The following FAM107B variants were observed in gnomAD, a reference collection of about 807,000 sequenced individuals.
FAM107B encodes protein FAM107B.
Under a neutral mutation model 31.5 loss-of-function variants are expected in FAM107B, and 21 were observed. That is an observed-to-expected ratio of 0.67 (90% CI 0.47 to 0.96). The LOEUF (loss-of-function observed/expected upper bound fraction) is 0.96. Among genes scored for constraint, FAM107B ranks in the 40% least tolerant of loss-of-function variants. FAM107B has a pLI of 0.00. For synonymous variants in FAM107B, 157 were observed against 141.5 expected, an observed-to-expected ratio of 1.11 and a Z score of -0.78; for missense variants, 452 against 377.1, an observed-to-expected ratio of 1.20 and a Z score of -1.64.
intron 1 of FAM107B, among the ~76,000 whole-genome samples, chr10:14,681,948 A>G (rs1178068134): frequency 6.6e-6 from 1 of 152,194 alleles, no homozygotes; most frequent in African/African-American, 2.4e-5. Flanking sequence ...GGGCACCTAT[A>G]CACCAGTCAA....
intron 1 of FAM107B, among the ~76,000 whole-genome samples, chr10:14,739,304 CA>C (rs1422628469): frequency 6.6e-6 from 1 of 152,184 alleles, no homozygotes; most frequent in East Asian, 1.9e-4. Context: ...AGGCCCCAGC[CA>C]ACTGCTGGAT....
chr10:14,583,693 C>A (rs976390141), intron 2 of FAM107B, among the ~76,000 whole-genome samples: 1 of 151,554 alleles, frequency 6.6e-6, no homozygotes, highest in African/African-American at 2.4e-5. Context: ...TCCTTGCCAA[C>A]ACCTGCTGCT....
At chr10:14,714,211 T>C (rs961233046) in intron 1 of FAM107B, among the ~76,000 whole-genome samples, 1 of 152,102 alleles carries the variant, frequency 6.6e-6, no homozygotes, top group African/African-American at 2.4e-5. Context: ...CAACAAAATC[T>C]AGGAGAAGGT....
intron 2 of FAM107B, among the ~76,000 whole-genome samples, chr10:14,649,596 C>T (rs1853848175): frequency 1.3e-5 from 2 of 152,208 alleles, no homozygotes; most frequent in Admixed American, 1.3e-4. Context: ...CAAGCACTTG[C>T]CAATCAGAAA....
rs1409820367 is a variant in FAM107B, at chr10:14,774,381, G to A, written c.283C>T (p.His95Tyr). The change falls in exon 1 of 5, where the codon CAC becomes TAC. Residue 95 changes from histidine to tyrosine, a missense_variant. Transcript: ENST00000181796. ...RNGSANRNSS[H>Y]RTAAQPAETP... ...TCCGCGGGCTGGGCCGCAGTGCGGT[G>A]ACTTGAATTCCGATTCGCACTGCCA... 2 of 1,614,118 alleles carry A rather than the reference G, an allele frequency of 1.2e-6. No individual in the cohort carries two copies. Among genetic ancestry groups the A allele is most frequent in the East Asian group, 4.5e-5 (2 of 44,904 alleles).
intron 3 of FAM107B, chr10:14,530,072 A>G (rs1255526868): frequency 2.8e-6 from 1 of 362,122 alleles, no homozygotes; most frequent in East Asian, 5.0e-5. Flanking sequence ...CCGAATTTGG[A>G]AATACACATC....
chr10:14,526,837 TTAA>T (rs1328971803), intron 3 of FAM107B, among the ~76,000 whole-genome samples: 1 of 151,872 alleles, frequency 6.6e-6, no homozygotes, highest in Non-Finnish European at 1.5e-5. Context: ...ATCAGAAATA[TTAA>T]TTTTTTTTTT....
intron 1 of FAM107B, among the ~76,000 whole-genome samples, chr10:14,710,691 T>C (rs1294359541): frequency 2.0e-5 from 3 of 152,166 alleles, no homozygotes; most frequent in Non-Finnish European, 2.9e-5. Context: ...TGCTTGTTTC[T>C]TCACTCTTAA....
chr10:14,682,208 C>T (rs924648031), intron 1 of FAM107B, among the ~76,000 whole-genome samples: 1 of 152,168 alleles, frequency 6.6e-6, no homozygotes, highest in Non-Finnish European at 1.5e-5. Flanking sequence ...AGAACAGACA[C>T]AAATGTTTAG....
chr10:14,557,117 C>T (rs1260297827), intron 2 of FAM107B, among the ~76,000 whole-genome samples: 3 of 152,220 alleles, frequency 2.0e-5, no homozygotes, highest in African/African-American at 7.2e-5. Context: ...ATCACCTTCT[C>T]GGATCAACAA....
At chr10:14,522,316 G>T (rs186398617) in intron 3 of FAM107B, 27 of 301,258 alleles carry the variant, frequency 9.0e-5, no homozygotes, top group Non-Finnish European at 1.4e-4. Context: ...GGGGATGTGC[G>T]TACGATGACT....
chr10:14,611,145 T>G (rs1214074364), intron 2 of FAM107B, among the ~76,000 whole-genome samples: 2 of 151,982 alleles, frequency 1.3e-5, no homozygotes, highest in African/African-American at 4.8e-5. Flanking sequence ...TTCCTGAGAG[T>G]CTTCCTGTGT....
At chr10:14,750,100 G>A (rs563892143) in intron 1 of FAM107B, among the ~76,000 whole-genome samples, 1 of 152,288 alleles carries the variant, frequency 6.6e-6, no homozygotes, top group South Asian at 2.1e-4. Context: ...AGAACAATAT[G>A]GAGGCAAAGC....
chr10:14,571,959 T>C (rs967308402), intron 2 of FAM107B: 1 of 985,170 alleles, frequency 1.0e-6, no homozygotes, highest in South Asian at 4.7e-5. Context: ...AAGCCCAAGG[T>C]AGCAAATAAA....
chr10:14,522,164 G>T (rs1035125097), intron 3 of FAM107B, 145 bp from the exon 4 acceptor site: 1 of 1,031,320 alleles, frequency 9.7e-7, no homozygotes, highest in Non-Finnish European at 1.4e-6. Flanking sequence ...AGGCAACATG[G>T]TGATCTAAGA....
chr10:14,663,983 C>T (rs1264222898), intron 2 of FAM107B, among the ~76,000 whole-genome samples: 1 of 151,076 alleles, frequency 6.6e-6, no homozygotes, highest in Non-Finnish European at 1.5e-5. Context: ...TTATAAACAC[C>T]CTGGCTGACG....
chr10:14,758,626 T>C (rs1832975974), intron 1 of FAM107B, among the ~76,000 whole-genome samples: 3 of 151,978 alleles, frequency 2.0e-5, no homozygotes, highest in Admixed American at 1.3e-4. Flanking sequence ...ATGGCACAGG[T>C]GGCCCTAGAT....
intron 2 of FAM107B, among the ~76,000 whole-genome samples, chr10:14,538,438 G>A (rs993655688): frequency 6.6e-6 from 1 of 152,156 alleles, no homozygotes; most frequent in African/African-American, 2.4e-5. Context: ...CAAATACAAC[G>A]TTAAGCAAAC....
At chr10:14,572,739 T>TATATATATATATATATATATATGTA (rs1554835533) in intron 2 of FAM107B, among the ~76,000 whole-genome samples, 5 of 92,004 alleles carry the variant, frequency 5.4e-5, no homozygotes, top group Admixed American at 3.7e-4. Context: ...AAAAAAAAAT[T>TATATATATATATATATATATATGTA]TATATATATA....
Sources: allele counts gnomAD v4.1 joint callset (sites outside exome capture counted in the v4.1 genomes callset), GRCh38; gene constraint gnomAD v4.1.1; transcripts MANE v1.5; gene names NCBI Gene and HGNC (gene_info 2026-07-23, HGNC 2026-07-21).